Variants in CDK5RAP1 observed in about 807,000 individuals in gnomAD.
The protein encoded by CDK5RAP1 is mitochondrial tRNA methylthiotransferase CDK5RAP1.
CDK5RAP1 carries 62 observed loss-of-function variants against 64.5 expected under a neutral mutation model. The ratio of observed to expected loss-of-function variants is 0.96; its 90% CI spans 0.78 to 1.19. The LOEUF is 1.19. Ranked by LOEUF, CDK5RAP1 falls within the 50% of genes most tolerant of loss-of-function variation. The probability of loss-of-function intolerance (pLI) is 0.00; values close to 1 mark genes in which losing one functional copy is unlikely to be tolerated. For synonymous variants in CDK5RAP1, 250 were observed against 261.9 expected (o/e 0.95, Z 0.44); for missense variants, 657 against 735.0 (o/e 0.89, Z 1.23).
At chr20:33,385,616 T>C (rs1169687337) in intron 7 of CDK5RAP1, 34 bp downstream of exon 7, 14 of 1,611,612 alleles carry the variant, frequency 8.7e-6, no homozygotes, top group Non-Finnish European at 1.2e-5. Flanking sequence ...CCCCCAAACA[T>C]GTTCACAGCA....
chr20:33,360,473 T>G lies in CDK5RAP1; in HGVS notation c.1561A>C (p.Thr521Pro). Reference sequence around the variant, plus strand: ...CCATCATTCCTGCCACACAGGTCAGTGGCAGAGCGTTTACTGAGCTGCAGA... The same window carrying G: ...CCATCATTCCTGCCACACAGGTCAGGGGCAGAGCGTTTACTGAGCTGCAGA... ...LVEGLSKRSA[T>P]DLCGRNDGNL... is the part of the protein sequence containing the mutation. Residue 521 changes from threonine (T) to proline (P), a missense_variant, in exon 13 of 14, where the codon ACT (threonine) becomes CCT (proline). Thr to Pro is a conservative substitution (Grantham distance 38, BLOSUM62 -1). Coordinates refer to ENST00000346416, the MANE Select transcript of CDK5RAP1 (RefSeq NM_016408.4). 1.2e-6 allele frequency: 2 copies of G among 1,611,832 alleles called. No individual in the cohort carries two copies. Among genetic ancestry groups the G allele is most frequent in the Non-Finnish European group, 1.7e-6 (2 of 1,179,408 alleles).
chr20:33,388,246 C>T (rs150604950), intron 5 of CDK5RAP1, among the ~76,000 whole-genome samples: 211 of 152,194 alleles, frequency 1.4e-3, no homozygotes, highest in African/African-American at 5.0e-3. Flanking sequence ...CTTGCTAAAA[C>T]CTGTAAGAAA....
chr20:33,379,454 C>G lies in CDK5RAP1; in HGVS notation c.1107+7G>C, dbSNP rs761123727. ...TATCAGTTTGTCACAGCTAACCTGA[C>G]GCTCACCTCATCAGGAAAATCCTTG... On this transcript the variant is annotated splice_region_variant and intron_variant, in intron 8 of 13. Transcript: ENST00000346416. 12 of 1,583,710 alleles carry G rather than the reference C, an allele frequency of 7.6e-6. No homozygotes were observed. In the East Asian group the frequency reaches 1.8e-4, roughly 24 times the overall value.
At position 33,374,186 on chromosome 20, in the gene CDK5RAP1, ATC is replaced by A; in HGVS notation, c.1132_1133del (p.Asp378Ter). 6.2e-7 allele frequency: 1 copy of A among 1,612,924 alleles called. No homozygotes were observed. The highest frequency in any genetic ancestry group is 2.2e-5 in the East Asian group (1 of 44,882). On this transcript the variant is annotated frameshift_variant, in exon 9 of 14. Transcript: ENST00000346416. LOFTEE classifies it high-confidence loss of function. ...DEVLQLIHER[D>X]NICKQIHLPA... ...GCAGGTGGATCTGTTTACAGATGTT[ATC>A]TCTCTCATGAATCAGCTGCAGAACC...
chr20:33,397,471 T>C (rs777111221), intron 1 of CDK5RAP1, among the ~76,000 whole-genome samples: 38 of 152,166 alleles, frequency 2.5e-4, no homozygotes, highest in Non-Finnish European at 3.4e-4. Context: ...CCGAAAGACA[T>C]AGGTTGAGGA....
chr20:33,378,276 G>A (rs970433420), intron 8 of CDK5RAP1, among the ~76,000 whole-genome samples: 1 of 152,172 alleles, frequency 6.6e-6, no homozygotes, highest in Admixed American at 6.6e-5. Flanking sequence ...TGAGGAAAGG[G>A]AGAGAGATGG....
intron 7 of CDK5RAP1, among the ~76,000 whole-genome samples, chr20:33,380,958 C>A (rs1159444603): frequency 6.6e-6 from 1 of 152,166 alleles, no homozygotes; most frequent in Non-Finnish European, 1.5e-5. Context: ...CGAGACCATG[C>A]CACTGCACTC....
At chr20:33,371,742 C>G (rs1157718205) in intron 10 of CDK5RAP1, among the ~76,000 whole-genome samples, 1 of 152,036 alleles carries the variant, frequency 6.6e-6, no homozygotes, top group African/African-American at 2.4e-5. Flanking sequence ...GAGATTGCGC[C>G]ACTGCACTCT....
chr20:33,382,625 G>T (rs1251014965), intron 7 of CDK5RAP1, among the ~76,000 whole-genome samples: 2 of 152,178 alleles, frequency 1.3e-5, no homozygotes, highest in Non-Finnish European at 2.9e-5. Flanking sequence ...AGGTTGCAGT[G>T]AGCTGAGATC....
chr20:33,397,600 A>T (rs528855481), intron 1 of CDK5RAP1, among the ~76,000 whole-genome samples: 3 of 152,262 alleles, frequency 2.0e-5, no homozygotes, highest in African/African-American at 7.2e-5. Context: ...TAAAGTGAAA[A>T]CCACTCACTG....
chr20:33,378,490 G>A (rs988727235), intron 8 of CDK5RAP1, among the ~76,000 whole-genome samples: 6 of 152,174 alleles, frequency 3.9e-5, no homozygotes, highest in Non-Finnish European at 8.8e-5. Flanking sequence ...ACAGAGACAT[G>A]AAGTAAGCAC....
intron 8 of CDK5RAP1, among the ~76,000 whole-genome samples, chr20:33,378,446 G>A (rs1027928780): frequency 6.6e-6 from 1 of 152,088 alleles, no homozygotes; most frequent in African/African-American, 2.4e-5. Context: ...TAATAATGAA[G>A]TTTGAAATAT....
At chr20:33,364,377 C>CG (rs891998882) in intron 12 of CDK5RAP1, among the ~76,000 whole-genome samples, 2 of 151,520 alleles carry the variant, frequency 1.3e-5, no homozygotes, top group Non-Finnish European at 2.9e-5. Context: ...TTAGTAGAGA[C>CG]GGGGTTTCAC....
intron 8 of CDK5RAP1, among the ~76,000 whole-genome samples, chr20:33,379,106 C>T (rs1986411431): frequency 6.6e-6 from 1 of 152,132 alleles, no homozygotes; most frequent in Admixed American, 6.6e-5. Context: ...TATGCCACCT[C>T]AGTCTCCCAA....
intron 12 of CDK5RAP1, among the ~76,000 whole-genome samples, chr20:33,363,323 T>C (rs1983274719): frequency 2.6e-5 from 4 of 152,162 alleles, no homozygotes. Flanking sequence ...CCTTTTCCTA[T>C]AAAGGACAGT....
chr20:33,360,430 A>G lies in CDK5RAP1; in HGVS notation c.1604T>C (p.Phe535Ser), dbSNP rs749114803. 7 of 1,613,902 alleles carry G rather than the reference A, an allele frequency of 4.3e-6. No individual in the cohort carries two copies. The highest frequency in any genetic ancestry group is 3.3e-5 in the Admixed American group (2 of 60,010). ...GACATCCTCCATCTCTGCATCAGGG[A>G]AGATCACCTTAAGGTTTCCATCATT... ...GRNDGNLKVIFPDAEMEDVNN... is the reference protein window; with the variant it reads ...GRNDGNLKVISPDAEMEDVNN... The change falls in exon 13 of 14, where the codon TTC becomes TCC. Residue 535 changes from phenylalanine to serine, a missense_variant. By Grantham distance (155) the Phe-to-Ser change is radical. Coordinates refer to ENST00000346416, the MANE Select transcript of CDK5RAP1 (RefSeq NM_016408.4).
chr20:33,398,174 A>G (rs1989072691), intron 1 of CDK5RAP1, among the ~76,000 whole-genome samples: 1 of 152,202 alleles, frequency 6.6e-6, no homozygotes, highest in Non-Finnish European at 1.5e-5. Context: ...AGATAAATCT[A>G]TACACATACA....
intron 2 of CDK5RAP1, among the ~76,000 whole-genome samples, chr20:33,395,919 C>T (rs1414374291): frequency 1.3e-5 from 2 of 151,946 alleles, no homozygotes; most frequent in Non-Finnish European, 2.9e-5. Context: ...GAGGCTGAGG[C>T]AGGAGAATCA....
chr20:33,391,097 T>C (rs1347722638), intron 5 of CDK5RAP1, among the ~76,000 whole-genome samples: 1 of 151,358 alleles, frequency 6.6e-6, no homozygotes, highest in Non-Finnish European at 1.5e-5. Context: ...CTACAAAAGG[T>C]CAAAAAATTA....
Sources: gnomAD v4.1 joint callset for allele counts (sites outside exome capture counted in the v4.1 genomes callset) on GRCh38, gnomAD v4.1.1 for gene constraint, MANE v1.5 for transcripts, NCBI Gene and HGNC (gene_info 2026-07-23, HGNC 2026-07-21) for gene names.